Variants in VSTM1 observed in about 807,000 individuals in gnomAD.
The protein encoded by VSTM1 is V-set and transmembrane domain-containing protein 1.
In VSTM1, 27 loss-of-function variants were observed where a neutral mutation model predicts 33.1. The ratio of observed to expected loss-of-function variants is 0.82; its 90% CI spans 0.60 to 1.12. VSTM1 has a LOEUF of 1.12. VSTM1 is among the 50% of genes most tolerant of loss of function. The pLI is 0.00. For missense variants in VSTM1, 304 were observed against 288.9 expected, an observed-to-expected ratio of 1.05 and a Z score of -0.38; for synonymous variants, 115 against 110.3, an observed-to-expected ratio of 1.04 and a Z score of -0.27.
chr19:54,041,670 A>G, intron 8 of VSTM1, 109 bp downstream of exon 8: 6 of 1,219,084 alleles, frequency 4.9e-6, no homozygotes, highest in Admixed American at 4.8e-5. Context: ...CTAAGACCAC[A>G]TGCGTGATAA....
chr19:54,058,251 A>G (rs2071202005), intron 3 of VSTM1, 55 bp downstream of exon 3: 2 of 1,544,028 alleles, frequency 1.3e-6, no homozygotes, highest in Non-Finnish European at 1.8e-6. Flanking sequence ...AAAAAAAAAA[A>G]GCAAAGCCAA....
chr19:54,049,860 A>G lies in VSTM1; in HGVS notation c.394+1550T>C, dbSNP rs189161368. Among the ~76,000 whole-genome samples, 3 of 152,286 alleles carry G rather than the reference A, an allele frequency of 2.0e-5. No individual in the cohort carries two copies. The East Asian group carries it at 5.8e-4, about 29-fold the overall frequency. On this transcript the variant is annotated intron_variant, in intron 4 of 8. Coordinates refer to ENST00000338372, the MANE Select transcript of VSTM1 (RefSeq NM_198481.4). ...ACTTTGGCTCTTTGGAGTAGGTTGC[A>G]GGAAGATTATGACTTGCTGAAAGGA...
In VSTM1 at chr19:54,059,526, G is replaced by A. The variant is rs560074846; in HGVS notation, c.35-794C>T. 9.2e-5 allele frequency among the ~76,000 whole-genome samples: 14 copies of A among 152,122 alleles called. No homozygotes were observed. The South Asian group carries it at 2.5e-3, about 27-fold the overall frequency. On this transcript the variant is annotated intron_variant, in intron 1 of 8. Coordinates refer to ENST00000338372, the MANE Select transcript of VSTM1 (RefSeq NM_198481.4). ...TGTGTCACCCAGGCTGGAGTGCAGT[G>A]GTGCAGTCTCAGCTCACTGCAACCT...
At chr19:54,059,242 G>T (rs1228079257) in intron 1 of VSTM1, among the ~76,000 whole-genome samples, 1 of 151,696 alleles carries the variant, frequency 6.6e-6, no homozygotes, top group Non-Finnish European at 1.5e-5. Flanking sequence ...TGCATTTTTA[G>T]TAGAGACAGG....
At chr19:54,058,058 G>A (rs1437994780) in intron 3 of VSTM1, among the ~76,000 whole-genome samples, 3 of 151,814 alleles carry the variant, frequency 2.0e-5, no homozygotes, top group Non-Finnish European at 4.4e-5. Flanking sequence ...GGCTAACATG[G>A]CGAAACCCCA....
At chr19:54,043,049 T>TAGAAAAGCTAAG (rs2070400266) in intron 4 of VSTM1, among the ~76,000 whole-genome samples, 1 of 148,756 alleles carries the variant, frequency 6.7e-6, no homozygotes, top group Non-Finnish European at 1.5e-5. Context: ...ATGGGGTGAG[T>TAGAAAAGCTAAG]AGAAAAGCTA....
chr19:54,046,140 T>C (rs761340075), intron 4 of VSTM1, among the ~76,000 whole-genome samples: 1 of 152,234 alleles, frequency 6.6e-6, no homozygotes, highest in Non-Finnish European at 1.5e-5. Context: ...CTATCATCTA[T>C]GTATCTATCT....
In VSTM1 at chr19:54,058,580, G is replaced by A; in HGVS notation, c.81C>T (p.Pro27=). 6.2e-7 allele frequency: 1 copy of A among 1,613,540 alleles called. No homozygotes were observed. The highest frequency in any genetic ancestry group is 8.5e-7 in the Non-Finnish European group (1 of 1,179,616). ...TGGGCCAGGCGTGGAGGGAGGGCTT[G>A]GGCGGTTTCTCTGGAAACAATTCAG... ...YEDEKKNEKP[P]KPSLHAWPSS... Residue 27 remains proline, a synonymous_variant, in exon 3 of 9, where the codon CCC becomes CCT. Coordinates refer to ENST00000338372, the MANE Select transcript of VSTM1 (RefSeq NM_198481.4).
intron 4 of VSTM1, chr19:54,048,324 C>T (rs35980386): frequency 0.066 from 24,564 of 369,516 alleles, 961 homozygotes; most frequent in East Asian, 0.096. Flanking sequence ...CCAAGTTGTC[C>T]AGGCTGGTCT....
At chr19:54,059,570 A>C (rs1328731626) in intron 1 of VSTM1, among the ~76,000 whole-genome samples, 1 of 151,352 alleles carries the variant, frequency 6.6e-6, no homozygotes, top group Admixed American at 6.6e-5. Context: ...CCCTGGGTTC[A>C]AGTGATACTC....
chr19:54,052,392 C>T (rs1390309227), intron 3 of VSTM1, among the ~76,000 whole-genome samples: 5 of 135,460 alleles, frequency 3.7e-5, no homozygotes, highest in Admixed American at 7.5e-5. Context: ...AGCCAGACTC[C>T]GTCTCAAAAA....
At chr19:54,052,692 T>C (rs2146097390) in intron 3 of VSTM1, among the ~76,000 whole-genome samples, 1 of 142,536 alleles carries the variant, frequency 7.0e-6, no homozygotes, top group South Asian at 2.3e-4. Context: ...AATGTACAGG[T>C]GGATCAAATC....
chr19:54,051,381 G>GA (rs777187068), intron 4 of VSTM1, 29 bp downstream of exon 4: 1 of 1,587,524 alleles, frequency 6.3e-7, no homozygotes, highest in South Asian at 1.1e-5. Context: ...ATCTCATTGG[G>GA]AAAAACATCT....
Position 54,063,893 on chromosome 19 carries a change from T to C in VSTM1, c.-116A>G. The C allele has an allele frequency of 1.8e-6, 2 of 1,141,026 alleles. No homozygotes were observed. The highest frequency in any genetic ancestry group is 2.1e-4 in the Middle Eastern group (1 of 4,692). The allele number at this position is 1,141,026 out of a possible 1,614,324, so 70.7% of individuals were successfully genotyped here. ...CCGGTTCGTCCCCAGGATGTGCAGA[T>C]AGAGGAGGTTTTGCTCTGACACTCT... is the stretch of plus-strand genomic sequence containing the variant. On this transcript the variant is annotated 5_prime_UTR_variant, in exon 1 of 9. Transcript: ENST00000338372.
intron 2 of VSTM1, 41 bp downstream of exon 2, chr19:54,058,656 G>C: frequency 6.2e-7 from 1 of 1,613,740 alleles, no homozygotes; most frequent in Non-Finnish European, 8.5e-7. Context: ...GTCATGAAGC[G>C]TGGGATGCAG....
At position 54,041,835 on chromosome 19, in the gene VSTM1, A is replaced by C. The variant is rs1385594387; in HGVS notation, c.554-19T>G. ...TCTGCCTCTGAGTGAGAAAGGAAAA[A>C]AAAAAATCAGTTCTCAGCTGCAGAA... On this transcript the variant is annotated intron_variant, in intron 7 of 8. Coordinates refer to ENST00000338372, the MANE Select transcript of VSTM1 (RefSeq NM_198481.4). 1.2e-6 allele frequency: 2 copies of C among 1,613,728 alleles called. No homozygotes were observed. Among genetic ancestry groups the C allele is most frequent in the South Asian group, 1.1e-5 (1 of 91,044 alleles).
chr19:54,051,378 T>G (rs1320189836), intron 4 of VSTM1, 32 bp downstream of exon 4: 2 of 1,581,580 alleles, frequency 1.3e-6, no homozygotes, highest in South Asian at 1.1e-5. Flanking sequence ...CAGATCTCAT[T>G]GGGAAAAACA....
At position 54,058,729 on chromosome 19, in the gene VSTM1, A is replaced by T; in HGVS notation, c.38T>A (p.Leu13Gln). Residue 13 changes from leucine to glutamine, a missense_variant, in exon 2 of 9, where the codon CTG (leucine) becomes CAG (glutamine). Leu to Gln is a moderately radical substitution (Grantham distance 113). Transcript: ENST00000338372. ...TTTCTCATCTTCGTAGCCCAGACAC[A>T]GCCCTGGAAGAGAAATCTCAATGAG... ...AEFLSLLCLG[L>Q]CLGYEDEKKN... The T allele has an allele frequency of 6.2e-7, 1 of 1,613,880 alleles. No homozygotes were observed.
Position 54,046,013 on chromosome 19 carries a change from A to G in VSTM1, c.395-3644T>C, listed in dbSNP as rs2070566706. ...TCTATTTATCTATCTAATCTATCAT[A>G]TCTAGTTATCTATCTACTTACTTAT... On this transcript the variant is annotated intron_variant, in intron 4 of 8. Coordinates refer to ENST00000338372, the MANE Select transcript of VSTM1 (RefSeq NM_198481.4). Among the ~76,000 whole-genome samples, 5 of 152,220 alleles carry G rather than the reference A, an allele frequency of 3.3e-5. No homozygotes were observed. The South Asian group carries it at 1.0e-3, about 32-fold the overall frequency.
Sources: allele counts gnomAD v4.1 joint callset (sites outside exome capture counted in the v4.1 genomes callset), GRCh38; gene constraint gnomAD v4.1.1; transcripts MANE v1.5; gene names NCBI Gene and HGNC (gene_info 2026-07-23, HGNC 2026-07-21).